Variants in APPBP2 observed in about 807,000 individuals in gnomAD.
The protein encoded by APPBP2 is amyloid beta precursor protein binding protein 2, also known as amyloid protein-binding protein 2.
In APPBP2, 15 loss-of-function variants were observed where a neutral mutation model predicts 76.0. The ratio of observed to expected loss-of-function variants is 0.20; its 90% confidence interval spans 0.13 to 0.30. The LOEUF is 0.30. Ranked by LOEUF, APPBP2 falls within the 10% of genes least tolerant of loss-of-function variation. The pLI is 1.00. For synonymous variants in APPBP2, 222 were observed against 242.2 expected (o/e 0.92, Z 0.77); for missense variants, 401 against 687.2 (o/e 0.58, Z 4.66).
chr17:60,466,321 T>C lies in APPBP2; in HGVS notation c.642A>G (p.Ala214=), dbSNP rs762450883. 11 of 1,613,932 alleles carry C rather than the reference T, an allele frequency of 6.8e-6. No individual in the cohort carries two copies. The highest frequency in any genetic ancestry group is 1.1e-5 in the South Asian group (1 of 91,056). ...CATAGTGACTTTTTGCAAATAGGAGTGCACACAGTTCTCCATAGAGTGCAG... is the reference window on the plus strand; with the variant it reads ...CATAGTGACTTTTTGCAAATAGGAGCGCACACAGTTCTCCATAGAGTGCAG... ...NKAALYGELC[A]LLFAKSHYDE... The change falls in exon 5 of 13, where the codon GCA becomes GCG. Residue 214 remains alanine, a synonymous_variant. Coordinates refer to ENST00000083182, the MANE Select transcript of APPBP2 (RefSeq NM_006380.5).
chr17:60,516,296 G>A (rs2090963075), intron 1 of APPBP2, among the ~76,000 whole-genome samples: 1 of 152,168 alleles, frequency 6.6e-6, no homozygotes, highest in African/African-American at 2.4e-5. Context: ...GGTTGTCTAA[G>A]AATGAAAGTT....
intron 1 of APPBP2, among the ~76,000 whole-genome samples, chr17:60,515,673 CCA>C (rs1014201887): frequency 6.6e-6 from 1 of 152,192 alleles, no homozygotes; most frequent in Non-Finnish European, 1.5e-5. Context: ...TATTATACAT[CCA>C]GTTTCCAAAC....
intron 2 of APPBP2, among the ~76,000 whole-genome samples, chr17:60,499,861 A>G (rs2090807958): frequency 6.6e-6 from 1 of 152,222 alleles, no homozygotes; most frequent in Non-Finnish European, 1.5e-5. Flanking sequence ...AAATCAGAGA[A>G]GTCAAACTCA....
At chr17:60,500,943 T>C (rs756506731) in intron 1 of APPBP2, among the ~76,000 whole-genome samples, 15 of 152,182 alleles carry the variant, frequency 9.9e-5, no homozygotes, top group Non-Finnish European at 1.8e-4. Context: ...AGCATGTCAA[T>C]AGTAATACAG....
intron 3 of APPBP2, among the ~76,000 whole-genome samples, chr17:60,485,951 T>G (rs2090673813): frequency 1.3e-5 from 2 of 152,214 alleles, no homozygotes; most frequent in South Asian, 4.1e-4. Flanking sequence ...TTCATTTCGT[T>G]ATTTACCCAG....
intron 4 of APPBP2, among the ~76,000 whole-genome samples, chr17:60,469,977 T>C (rs9905802): frequency 0.078 from 11,930 of 152,194 alleles, 1,587 homozygotes; most frequent in African/African-American, 0.27. Flanking sequence ...AGCTGCACCA[T>C]TTTACATTCC....
intron 1 of APPBP2, among the ~76,000 whole-genome samples, chr17:60,507,726 A>G (rs1271678942): frequency 6.6e-6 from 1 of 152,172 alleles, no homozygotes; most frequent in Non-Finnish European, 1.5e-5. Context: ...TAAATTTGAT[A>G]CTTTGGGAAA....
intron 4 of APPBP2, among the ~76,000 whole-genome samples, chr17:60,470,179 T>C (rs2090541874): frequency 6.6e-6 from 1 of 152,190 alleles, no homozygotes; most frequent in Non-Finnish European, 1.5e-5. Flanking sequence ...CACTATCTTT[T>C]CATGTGCTTA....
intron 5 of APPBP2, among the ~76,000 whole-genome samples, chr17:60,465,934 C>T (rs2090507533): frequency 6.6e-6 from 1 of 152,090 alleles, no homozygotes; most frequent in Non-Finnish European, 1.5e-5. Flanking sequence ...TTACTGGGCT[C>T]AAGGGATCCT....
intron 1 of APPBP2, among the ~76,000 whole-genome samples, chr17:60,507,234 T>C (rs2090875767): frequency 1.3e-5 from 2 of 151,976 alleles, no homozygotes; most frequent in South Asian, 2.1e-4. Flanking sequence ...TTCTTTTTTT[T>C]TTTTTGAGAC....
intron 4 of APPBP2, among the ~76,000 whole-genome samples, chr17:60,474,618 A>C (rs1364311567): frequency 6.6e-6 from 1 of 152,184 alleles, no homozygotes; most frequent in Non-Finnish European, 1.5e-5. Context: ...CCTTATTTGA[A>C]ATGTTTGGGA....
intron 3 of APPBP2, among the ~76,000 whole-genome samples, chr17:60,492,504 C>T (rs537180387): frequency 1.4e-4 from 21 of 152,140 alleles, no homozygotes; most frequent in Non-Finnish European, 2.5e-4. Flanking sequence ...GCCACAGGGG[C>T]GGAGCTGCCC....
chr17:60,522,864 T>TA (rs1324324034), intron 1 of APPBP2, among the ~76,000 whole-genome samples: 5 of 150,390 alleles, frequency 3.3e-5, no homozygotes, highest in African/African-American at 1.2e-4. Flanking sequence ...TTCCATTCTT[T>TA]TTTTTTTTTA....
intron 4 of APPBP2, among the ~76,000 whole-genome samples, chr17:60,466,954 T>G (rs2090515733): frequency 6.6e-6 from 1 of 152,230 alleles, no homozygotes; most frequent in Non-Finnish European, 1.5e-5. Flanking sequence ...TAGTGTCAAC[T>G]ATTTCTTTTA....
chr17:60,451,243 G>C (rs1037951806), intron 12 of APPBP2, among the ~76,000 whole-genome samples: 1 of 152,154 alleles, frequency 6.6e-6, no homozygotes, highest in South Asian at 2.1e-4. Context: ...TTAAAGGTAG[G>C]AGAAGGGAGG....
chr17:60,525,720 G>C lies in APPBP2; in HGVS notation c.138+74C>G, dbSNP rs181925182. 334 of 1,598,910 alleles carry C rather than the reference G, an allele frequency of 2.1e-4. No homozygotes were observed. The African/African-American group carries it at 4.2e-3, about 20-fold the overall frequency. ...AAGGGGTGAGGGGTTAACTGCGGGG[G>C]TTCGCAGACGTGGAAGGGGGTGCGG... On this transcript the variant is annotated intron_variant, in intron 1 of 12. Transcript: ENST00000083182.
chr17:60,504,162 C>T (rs1488197036), intron 1 of APPBP2, among the ~76,000 whole-genome samples: 5 of 152,116 alleles, frequency 3.3e-5, no homozygotes, highest in East Asian at 1.9e-4. Context: ...ATTATGTACC[C>T]GTAGCATAAT....
chr17:60,495,439 ATTATTTATTTATTTATTTATTTATTTAT>A (rs57497934), intron 2 of APPBP2, among the ~76,000 whole-genome samples: 1 of 136,588 alleles, frequency 7.3e-6, no homozygotes, highest in African/African-American at 3.0e-5. Flanking sequence ...TTATTTATTT[ATTATTTATTTATTTATTTATTTATTTAT>A]TTATTTATTT....
At chr17:60,449,342 A>G (rs1429538029) in intron 12 of APPBP2, among the ~76,000 whole-genome samples, 1 of 152,256 alleles carries the variant, frequency 6.6e-6, no homozygotes, top group Non-Finnish European at 1.5e-5. Flanking sequence ...CTGTAATCCC[A>G]GCACTTTGGG....
Sources: allele counts gnomAD v4.1 joint callset (sites outside exome capture counted in the v4.1 genomes callset), GRCh38; gene constraint gnomAD v4.1.1; transcripts MANE v1.5; gene names NCBI Gene and HGNC (gene_info 2026-07-23, HGNC 2026-07-21).